The following C6orf118 variants were observed in gnomAD, a reference collection of about 807,000 sequenced individuals.
C6orf118 encodes uncharacterized protein C6orf118.
A neutral mutation model predicts 50.2 loss-of-function variants in C6orf118; 50 were observed. The ratio of observed to expected loss-of-function variants is 1.00; its 90% CI spans 0.79 to 1.26. The LOEUF is 1.26. C6orf118 is among the 50% of genes most tolerant of loss of function. The probability of loss-of-function intolerance (pLI) is 0.00; values close to 1 mark genes in which losing one functional copy is unlikely to be tolerated. For synonymous variants in C6orf118, 239 were observed against 230.9 expected (o/e 1.03, Z -0.32); for missense variants, 641 against 578.7 (o/e 1.11, Z -1.10).
chr6:165,289,667 A>G (rs944904859), intron 7 of C6orf118, among the ~76,000 whole-genome samples: 1 of 152,182 alleles, frequency 6.6e-6, no homozygotes, highest in African/African-American at 2.4e-5. Context: ...GGCTATTAAC[A>G]GAAATCTATA....
Position 165,301,574 on chromosome 6 carries a change from G to C in C6orf118, c.748C>G (p.Gln250Glu). ...KAAAGHERKL[Q>E]QELQKICTCS... Reference sequence around the variant, plus strand: ...CGCAGGGCTGCCCTCCTCACCTGCTGCAGCTTTCTCTCGTGGCCCGCGGCC... The same window carrying C: ...CGCAGGGCTGCCCTCCTCACCTGCTCCAGCTTTCTCTCGTGGCCCGCGGCC... Residue 250 changes from glutamine to glutamate, a missense_variant, in exon 2 of 9, where the codon CAG becomes GAG. Gln to Glu is a conservative substitution (Grantham distance 29). Transcript: ENST00000230301. The C allele has an allele frequency of 6.2e-7, 1 of 1,610,576 alleles. No homozygotes were observed. The highest frequency in any genetic ancestry group is 8.5e-7 in the Non-Finnish European group (1 of 1,178,270).
chr6:165,308,771 G>A (rs1276632534), intron 1 of C6orf118, among the ~76,000 whole-genome samples: 1 of 152,220 alleles, frequency 6.6e-6, no homozygotes, highest in Non-Finnish European at 1.5e-5. Context: ...CTGAGGTTCA[G>A]GTGGTCAGAT....
intron 6 of C6orf118, among the ~76,000 whole-genome samples, chr6:165,292,647 GGAA>G (rs763384967): frequency 2.6e-5 from 4 of 152,254 alleles, no homozygotes; most frequent in Non-Finnish European, 4.4e-5. Flanking sequence ...ACAACGTGGT[GGAA>G]GAAGGAGGGA....
At chr6:165,300,973 T>C in intron 2 of C6orf118, among the ~76,000 whole-genome samples, 1 of 151,974 alleles carries the variant, frequency 6.6e-6, no homozygotes, top group East Asian at 1.9e-4. Context: ...CAGCTCTCCC[T>C]CTGCCCTCAC....
chr6:165,289,971 A>G lies in C6orf118; in HGVS notation c.1217T>C (p.Ile406Thr). The G allele has an allele frequency of 6.2e-7, 1 of 1,611,316 alleles. No homozygotes were observed. The highest frequency in any genetic ancestry group is 8.5e-7 in the Non-Finnish European group (1 of 1,178,448). ...TTTAATTTCTTTTTCCAGAGCTTGT[A>G]TCTCATCCCACTTACTGAGTATTTC... ...RCEILSKWDE[I>T]QALEKEIKTT... The change falls in exon 7 of 9, where the codon ATA (isoleucine) becomes ACA (threonine). Residue 406 changes from isoleucine (I) to threonine (T), a missense_variant. By Grantham distance (89) the Ile-to-Thr change is moderately conservative. Transcript: ENST00000230301.
At chr6:165,293,755 T>C (rs1296091175) in intron 5 of C6orf118, among the ~76,000 whole-genome samples, 1 of 152,048 alleles carries the variant, frequency 6.6e-6, no homozygotes, top group Admixed American at 6.6e-5. Context: ...GTTAATGCAA[T>C]TGCTAAGAAG....
At chr6:165,283,579 G>T (rs1328639564) in intron 7 of C6orf118, among the ~76,000 whole-genome samples, 1 of 152,200 alleles carries the variant, frequency 6.6e-6, no homozygotes, top group African/African-American at 2.4e-5. Context: ...TTGTAAACAG[G>T]TTGGTGCTCC....
At chr6:165,306,459 A>G (rs1780731781) in intron 1 of C6orf118, among the ~76,000 whole-genome samples, 1 of 129,748 alleles carries the variant, frequency 7.7e-6, no homozygotes, top group Non-Finnish European at 1.6e-5. Context: ...ATGTACCCTA[A>G]AACTTAGAGT....
At chr6:165,306,716 T>G (rs1432772738) in intron 1 of C6orf118, among the ~76,000 whole-genome samples, 2 of 152,130 alleles carry the variant, frequency 1.3e-5, no homozygotes, top group East Asian at 3.9e-4. Context: ...TTTGTTTATT[T>G]TATTTCCAAG....
rs890512610 is a variant in C6orf118 at position 165,302,181 on chromosome 6, C to T, written c.141G>A (p.Arg47=). ...TLCNLKKLLN[R]LQKDHREDVY... Reference sequence around the variant, plus strand: ...CGTCCTCCCGGTGGTCTTTCTGAAGCCGATTCAGAAGTTTCTTCAGATTAC... The same window carrying T: ...CGTCCTCCCGGTGGTCTTTCTGAAGTCGATTCAGAAGTTTCTTCAGATTAC... Residue 47 remains arginine (R), a synonymous_variant, in exon 2 of 9, where the codon CGG becomes CGA. Coordinates refer to ENST00000230301, the MANE Select transcript of C6orf118 (RefSeq NM_144980.4). The T allele has an allele frequency of 1.2e-6, 2 of 1,612,664 alleles. No homozygotes were observed. The highest frequency in any genetic ancestry group is 1.7e-4 in the Middle Eastern group (1 of 6,052).
At chr6:165,308,193 A>G (rs1251594901) in intron 1 of C6orf118, among the ~76,000 whole-genome samples, 2 of 152,176 alleles carry the variant, frequency 1.3e-5, no homozygotes, top group African/African-American at 2.4e-5. Context: ...CTGACGCCAG[A>G]GGTCAGGGAA....
intron 5 of C6orf118, among the ~76,000 whole-genome samples, chr6:165,296,307 A>C: frequency 1.2e-5 from 1 of 85,172 alleles, no homozygotes; most frequent in African/African-American, 4.3e-5. Flanking sequence ...ACAGAAGTTT[A>C]ATTTTCTCAC....
intron 1 of C6orf118, among the ~76,000 whole-genome samples, chr6:165,307,324 C>T (rs568456364): frequency 1.2e-3 from 175 of 150,164 alleles, no homozygotes; most frequent in Admixed American, 2.1e-3. Flanking sequence ...TTTGGGAGGC[C>T]GAGGCGGGTG....
intron 7 of C6orf118, among the ~76,000 whole-genome samples, chr6:165,284,854 C>T (rs1308843226): frequency 2.6e-5 from 4 of 152,140 alleles, no homozygotes; most frequent in African/African-American, 9.7e-5. Flanking sequence ...AAAACCATTA[C>T]CAGCCACTAC....
chr6:165,285,301 C>A (rs1779864103), intron 7 of C6orf118, among the ~76,000 whole-genome samples: 1 of 151,914 alleles, frequency 6.6e-6, no homozygotes, highest in Non-Finnish European at 1.5e-5. Context: ...ATAAGAGCAC[C>A]CAGATTCATA....
chr6:165,281,017 T>C (rs1044531487), intron 8 of C6orf118, among the ~76,000 whole-genome samples: 7 of 152,226 alleles, frequency 4.6e-5, no homozygotes, highest in African/African-American at 1.7e-4. Context: ...GAAAAGTAAC[T>C]GTGCGAAGTA....
chr6:165,299,398 A>G lies in C6orf118; in HGVS notation c.936+45T>C, dbSNP rs780462242. On this transcript the variant is annotated intron_variant, in intron 4 of 8. Transcript: ENST00000230301. The stretch of plus-strand genomic sequence containing the variant: ...TCCACTGCTCATGAAATATGAAGCT[A>G]TGGATAAGCAGGCTCTATTCAGGCT... The G allele has an allele frequency of 1.9e-6, 3 of 1,563,792 alleles. No homozygotes were observed. In the South Asian group the frequency reaches 3.4e-5, roughly 17 times the overall value.
At chr6:165,298,293 C>G (rs531494209) in intron 4 of C6orf118, among the ~76,000 whole-genome samples, 192 bp from the exon 5 acceptor site, 1 of 152,102 alleles carries the variant, frequency 6.6e-6, no homozygotes, top group African/African-American at 2.4e-5. Flanking sequence ...GTGAAGTTCC[C>G]GGTAAAATAC....
intron 5 of C6orf118, among the ~76,000 whole-genome samples, chr6:165,296,259 T>TG (rs1780301668): frequency 2.1e-5 from 3 of 142,398 alleles, no homozygotes; most frequent in Non-Finnish European, 4.7e-5. Context: ...TGTTTTTTTT[T>TG]TTTTTTTTTT....
Sources: gnomAD v4.1 joint callset for allele counts (sites outside exome capture counted in the v4.1 genomes callset) on GRCh38, gnomAD v4.1.1 for gene constraint, MANE v1.5 for transcripts, NCBI Gene and HGNC (gene_info 2026-07-23, HGNC 2026-07-21) for gene names.